Variants in AGAP5 observed in about 807,000 individuals in gnomAD.
AGAP5 encodes the protein ArfGAP with GTPase domain, ankyrin repeat and PH domain 5, also known as arf-GAP with GTPase, ANK repeat and PH domain-containing protein 5.
AGAP5 carries 8 observed loss-of-function variants against 27.7 expected under a neutral mutation model. The observed-to-expected ratio is 0.29, with a 90% CI of 0.17 to 0.52. The LOEUF (loss-of-function observed/expected upper bound fraction) is 0.52, where lower values mean the gene tolerates loss of function less well. AGAP5 is among the 20% of genes least tolerant of loss of function. The pLI is 0.97. For missense variants in AGAP5, 285 were observed against 880.8 expected (o/e 0.32, Z 8.56); for synonymous variants, 111 against 338.0 (o/e 0.33, Z 7.37).
chr10:73,697,661 T>C lies in AGAP5; in HGVS notation c.95A>G (p.Tyr32Cys), dbSNP rs2132465586. The C allele has an allele frequency of 1.2e-6, 2 of 1,601,746 alleles. No individual in the cohort carries two copies. The highest frequency in any genetic ancestry group is 2.2e-5 in the East Asian group (1 of 44,872). ...GSVCPSESEI[Y>C]EAGAGDRMAG... The stretch of plus-strand genomic sequence containing the variant: ...CATCCTGTCCCCAGCTCCTGCCTCA[T>C]AGATCTCAGATTCAGAGGGACACAC... Residue 32 changes from tyrosine (Y) to cysteine (C), a missense_variant, in exon 1 of 8, where the codon TAT becomes TGT. Transcript: ENST00000374094.
chr10:73,691,124 C>T (rs916853308), intron 4 of AGAP5, among the ~76,000 whole-genome samples: 2 of 152,004 alleles, frequency 1.3e-5, no homozygotes, highest in Non-Finnish European at 1.5e-5. Flanking sequence ...GGCTACTTAA[C>T]GATATTTGGA....
At chr10:73,690,903 A>G (rs1432865381) in intron 4 of AGAP5, among the ~76,000 whole-genome samples, 2 of 152,250 alleles carry the variant, frequency 1.3e-5, no homozygotes, top group Non-Finnish European at 2.9e-5. Flanking sequence ...TTGAACTAGG[A>G]TGACAAAAGG....
intron 4 of AGAP5, among the ~76,000 whole-genome samples, chr10:73,684,583 T>A: frequency 7.2e-6 from 1 of 139,832 alleles, no homozygotes; most frequent in Non-Finnish European, 1.6e-5. Context: ...AGGTATTATT[T>A]AAGGTAGTCA....
intron 4 of AGAP5, among the ~76,000 whole-genome samples, chr10:73,686,410 A>G (rs1400757005): frequency 6.6e-6 from 1 of 152,232 alleles, no homozygotes; most frequent in Non-Finnish European, 1.5e-5. Context: ...TCAACTCAAG[A>G]TGGATCAAGG....
At chr10:73,692,292 T>C (rs1330794219) in intron 3 of AGAP5, among the ~76,000 whole-genome samples, 1 of 152,084 alleles carries the variant, frequency 6.6e-6, no homozygotes, top group Non-Finnish European at 1.5e-5. Flanking sequence ...TTTTTGTTTC[T>C]ATTACATACA....
chr10:73,689,144 G>A (rs1002946712), intron 4 of AGAP5, among the ~76,000 whole-genome samples: 96 of 152,338 alleles, frequency 6.3e-4, no homozygotes, highest in African/African-American at 2.3e-3. Flanking sequence ...GCGCCGCCAC[G>A]CCTGACTGGT....
At chr10:73,692,322 A>G (rs2132458917) in intron 3 of AGAP5, among the ~76,000 whole-genome samples, 1 of 152,280 alleles carries the variant, frequency 6.6e-6, no homozygotes, top group Non-Finnish European at 1.5e-5. Flanking sequence ...ATCCTCATGT[A>G]CAAAAGAAAA....
intron 4 of AGAP5, among the ~76,000 whole-genome samples, chr10:73,688,875 T>TCA (rs1425640655): frequency 6.6e-6 from 1 of 152,154 alleles, no homozygotes; most frequent in African/African-American, 2.4e-5. Flanking sequence ...AAATAACGTA[T>TCA]CACACACTGG....
At chr10:73,690,605 T>TAAAAAAAA (rs1565008251) in intron 4 of AGAP5, among the ~76,000 whole-genome samples, 1 of 80,560 alleles carries the variant, frequency 1.2e-5, no homozygotes, top group Non-Finnish European at 2.9e-5. Context: ...GAATGATCAA[T>TAAAAAAAA]TAAAAAAAAA....
chr10:73,685,794 G>T (rs531383995), intron 4 of AGAP5, among the ~76,000 whole-genome samples: 1 of 151,938 alleles, frequency 6.6e-6, no homozygotes, highest in Non-Finnish European at 1.5e-5. Flanking sequence ...CTCATGATCC[G>T]TCCGCCTTAG....
chr10:73,690,934 A>C (rs3957126), intron 4 of AGAP5, among the ~76,000 whole-genome samples: 78,505 of 152,062 alleles, frequency 0.52, 21,680 homozygotes, highest in Middle Eastern at 0.65. Flanking sequence ...TTGCCCCCCA[A>C]ACAAACATAA....
chr10:73,675,382 C>T lies in AGAP5; in HGVS notation c.1278G>A (p.Thr426=), dbSNP rs1432095176. The part of the protein sequence containing the change: ...ATGQTWHFEA[T]TYEERDAWVQ... ...CCCAGGCATCCCGCTCCTCATACGT[C>T]GTGGCTTCAAAGTGCCATGTTTGGC... is the stretch of plus-strand genomic sequence containing the variant. Residue 426 remains threonine (T), a synonymous_variant, in exon 8 of 8, where the codon ACG becomes ACA. Coordinates refer to ENST00000374094, the MANE Select transcript of AGAP5 (RefSeq NM_001144000.4). The T allele has an allele frequency of 7.4e-6, 12 of 1,614,086 alleles. No homozygotes were observed. The highest frequency in any genetic ancestry group is 6.7e-5 in the Admixed American group (4 of 60,020).
In AGAP5 at chr10:73,698,019, G is replaced by A; in HGVS notation, c.-264C>T. On this transcript the variant is annotated 5_prime_UTR_variant, in exon 1 of 8. Coordinates refer to ENST00000374094, the MANE Select transcript of AGAP5 (RefSeq NM_001144000.4). ...GAAGACCAGCTGGCTTATTTAATAG[G>A]TTGTGAACCCAACAAGCGCTGAGAG... 1 of 1,430,298 alleles carries A rather than the reference G, an allele frequency of 7.0e-7. No individual in the cohort carries two copies. Among genetic ancestry groups the A allele is most frequent in the Non-Finnish European group, 9.1e-7 (1 of 1,095,288 alleles). The allele number at this position is 1,430,298 out of a possible 1,614,324, so 88.6% of individuals were successfully genotyped here.
At position 73,675,960 on chromosome 10, in the gene AGAP5, G is replaced by C; in HGVS notation, c.700C>G (p.Pro234Ala). 6.2e-7 allele frequency: 1 copy of C among 1,612,688 alleles called. No homozygotes were observed. Among genetic ancestry groups the C allele is most frequent in the Non-Finnish European group, 8.5e-7 (1 of 1,179,302 alleles). ...TSQEDPQFSV[P>A]PTANTPTPVC... ...GGGGTGGGTGTGTTGGCAGTGGGAG[G>C]AACACTGAACTGAGGGTCCTCCTGG... The change falls in exon 8 of 8, where the codon CCT (proline) becomes GCT (alanine). Residue 234 changes from proline to alanine, a missense_variant. Physicochemically the swap from Pro to Ala is conservative, Grantham distance 27 (BLOSUM62 -1). Coordinates refer to ENST00000374094, the MANE Select transcript of AGAP5 (RefSeq NM_001144000.4).
rs556939718 is a variant in AGAP5, at chr10:73,677,964, C to A, written c.534-1194G>T. Among the ~76,000 whole-genome samples the A allele has an allele frequency of 5.9e-5, 9 of 152,152 alleles. No individual in the cohort carries two copies. The South Asian group carries it at 1.9e-3, about 32-fold the overall frequency. The stretch of plus-strand genomic sequence containing the variant: ...GCAATAAAAATTAATGTTGTTAAAT[C>A]TTGACATGTCTCTAATATTCTGAAT... On this transcript the variant is annotated intron_variant, in intron 6 of 7. Coordinates refer to ENST00000374094, the MANE Select transcript of AGAP5 (RefSeq NM_001144000.4).
intron 4 of AGAP5, among the ~76,000 whole-genome samples, chr10:73,685,872 G>A (rs1039364109): frequency 4.6e-5 from 7 of 151,316 alleles, no homozygotes; most frequent in African/African-American, 1.2e-4. Flanking sequence ...TTGATATGCC[G>A]TTGGGAACTA....
chr10:73,693,894 T>C (rs1195340478), intron 3 of AGAP5, among the ~76,000 whole-genome samples: 2 of 152,226 alleles, frequency 1.3e-5, no homozygotes, highest in South Asian at 2.1e-4. Context: ...CTTTTTGTTA[T>C]AAATTACCCA....
intron 2 of AGAP5, among the ~76,000 whole-genome samples, chr10:73,695,878 C>T (rs1360638667): frequency 1.3e-5 from 2 of 152,092 alleles, no homozygotes; most frequent in Admixed American, 6.6e-5. Context: ...CATATTATTA[C>T]CCAGAATTAC....
chr10:73,689,011 TC>T (rs1358063879), intron 4 of AGAP5, among the ~76,000 whole-genome samples: 2 of 152,046 alleles, frequency 1.3e-5, no homozygotes, highest in Non-Finnish European at 2.9e-5. Context: ...CCTCCGCCTC[TC>T]CCCACAGTCT....
Sources: allele counts gnomAD v4.1 joint callset (sites outside exome capture counted in the v4.1 genomes callset), GRCh38; gene constraint gnomAD v4.1.1; transcripts MANE v1.5; gene names NCBI Gene and HGNC (gene_info 2026-07-23, HGNC 2026-07-21).